The following PDE3B variants were observed in gnomAD, a reference collection of about 807,000 sequenced individuals.
The protein encoded by PDE3B is phosphodiesterase 3B.
In PDE3B, 66 loss-of-function variants were observed where a neutral mutation model predicts 116.8. The ratio of observed to expected loss-of-function variants is 0.56; its 90% confidence interval spans 0.46 to 0.69. PDE3B has a LOEUF of 0.69. Ranked by LOEUF, PDE3B falls within the 30% of genes least tolerant of loss-of-function variation. PDE3B has a pLI of 0.00. For missense variants in PDE3B, 1,384 were observed against 1,368.1 expected (o/e 1.01, Z -0.18); for synonymous variants, 595 against 533.6 (o/e 1.12, Z -1.59).
chr11:14,808,059 CAAA>C (rs765095329), intron 5 of PDE3B, among the ~76,000 whole-genome samples: 13 of 67,370 alleles, frequency 1.9e-4, no homozygotes, highest in African/African-American at 4.6e-4. Context: ...GCCTTCGTCT[CAAA>C]AAAAAAAAAA....
chr11:14,665,653 G>T (rs371770880), intron 1 of PDE3B, among the ~76,000 whole-genome samples: 1 of 152,144 alleles, frequency 6.6e-6, no homozygotes, highest in Admixed American at 6.5e-5. Flanking sequence ...AATCATGAGT[G>T]AACTCCCATT....
intron 12 of PDE3B, among the ~76,000 whole-genome samples, chr11:14,846,321 A>C (rs1415439369): frequency 6.6e-5 from 10 of 152,314 alleles, no homozygotes; most frequent in South Asian, 2.1e-4. Context: ...GCCTGCCCTA[A>C]AAGAGCTCCT....
At chr11:14,796,787 G>A (rs1858570502) in intron 4 of PDE3B, among the ~76,000 whole-genome samples, 1 of 152,194 alleles carries the variant, frequency 6.6e-6, no homozygotes, top group African/African-American at 2.4e-5. Flanking sequence ...TGGATAGAGT[G>A]TAAAAATTTT....
intron 12 of PDE3B, among the ~76,000 whole-genome samples, chr11:14,847,515 A>T (rs1274368193): frequency 1.3e-5 from 2 of 151,748 alleles, no homozygotes; most frequent in Admixed American, 6.6e-5. Context: ...GGAAATAGAG[A>T]CACAAAAAAC....
chr11:14,779,641 C>A (rs970133370), intron 2 of PDE3B, among the ~76,000 whole-genome samples: 3 of 152,138 alleles, frequency 2.0e-5, no homozygotes, highest in Non-Finnish European at 2.9e-5. Context: ...CACCACCAGG[C>A]CTGCCTTACA....
At chr11:14,845,431 C>A (rs1847576969) in intron 12 of PDE3B, among the ~76,000 whole-genome samples, 1 of 152,148 alleles carries the variant, frequency 6.6e-6, no homozygotes, top group Non-Finnish European at 1.5e-5. Context: ...AAGCAGAACG[C>A]CTCTCCTCCT....
intron 1 of PDE3B, among the ~76,000 whole-genome samples, chr11:14,696,661 T>C (rs1411279193): frequency 1.3e-5 from 2 of 152,162 alleles, no homozygotes; most frequent in Admixed American, 6.6e-5. Flanking sequence ...TTATTTATTA[T>C]TGATTTATAG....
At chr11:14,657,329 A>T (rs769012688) in intron 1 of PDE3B, among the ~76,000 whole-genome samples, 2 of 152,214 alleles carry the variant, frequency 1.3e-5, no homozygotes, top group African/African-American at 2.4e-5. Flanking sequence ...GAGAAACTGT[A>T]TGTAAAAAAG....
chr11:14,775,550 T>C (rs1328710067), intron 2 of PDE3B: 1 of 152,218 alleles, frequency 6.6e-6, no homozygotes, highest in Admixed American at 6.5e-5. Context: ...TTTTTTTCTT[T>C]TTTTGAGACG....
At chr11:14,791,557 C>T (rs1014664910) in intron 4 of PDE3B, among the ~76,000 whole-genome samples, 1 of 152,100 alleles carries the variant, frequency 6.6e-6, no homozygotes, top group Non-Finnish European at 1.5e-5. Flanking sequence ...AGATATCTGT[C>T]TGCATTATCT....
chr11:14,782,978 A>G (rs1300215340), intron 2 of PDE3B, among the ~76,000 whole-genome samples: 1 of 152,254 alleles, frequency 6.6e-6, no homozygotes, highest in Non-Finnish European at 1.5e-5. Flanking sequence ...TTCTCGAAAG[A>G]AGACATTTAT....
intron 1 of PDE3B, among the ~76,000 whole-genome samples, chr11:14,721,378 G>T (rs1856071913): frequency 6.6e-6 from 1 of 151,366 alleles, no homozygotes; most frequent in South Asian, 2.1e-4. Context: ...ATTCCTCAGG[G>T]ATCTAGAACT....
intron 1 of PDE3B, among the ~76,000 whole-genome samples, chr11:14,725,075 C>G (rs926296364): frequency 6.6e-6 from 1 of 152,118 alleles, no homozygotes; most frequent in African/African-American, 2.4e-5. Context: ...GAAGGGAAGA[C>G]TAGAAGAGGA....
At chr11:14,744,039 T>C (rs1856841502) in intron 1 of PDE3B, among the ~76,000 whole-genome samples, 1 of 152,144 alleles carries the variant, frequency 6.6e-6, no homozygotes, top group African/African-American at 2.4e-5. Flanking sequence ...AAGAGATTAG[T>C]TTTATATTGT....
At chr11:14,891,346 C>T in the PDE3B span, 1 of 985,466 alleles carries the variant, frequency 1.0e-6, no homozygotes, top group Non-Finnish European at 1.2e-6. Flanking sequence ...CGTTCCCAGC[C>T]AGTCAGAACG....
chr11:14,801,728 ACCCGTAGCCAC>A (rs763911907), intron 4 of PDE3B, among the ~76,000 whole-genome samples: 31 of 152,124 alleles, frequency 2.0e-4, no homozygotes, highest in Non-Finnish European at 3.8e-4. Flanking sequence ...CTGAAGCTGC[ACCCGTAGCCAC>A]CCCTTCCCCC....
chr11:14,812,399 C>T (rs1163889826), intron 5 of PDE3B, among the ~76,000 whole-genome samples: 5 of 151,846 alleles, frequency 3.3e-5, no homozygotes, highest in African/African-American at 1.2e-4. Flanking sequence ...GAAGAAAAAG[C>T]AATGAAAATC....
At chr11:14,860,666 C>T (rs868948395) in intron 13 of PDE3B, among the ~76,000 whole-genome samples, 1 of 152,058 alleles carries the variant, frequency 6.6e-6, no homozygotes, top group South Asian at 2.1e-4. Flanking sequence ...AGTTTTTTCA[C>T]TGTTACACAC....
chr11:14,724,209 AG>A (rs1856211161), intron 1 of PDE3B, among the ~76,000 whole-genome samples: 1 of 152,016 alleles, frequency 6.6e-6, no homozygotes. Flanking sequence ...ATTGATTACC[AG>A]GGGGTTGGGG....
Sources: gnomAD v4.1 joint callset for allele counts (sites outside exome capture counted in the v4.1 genomes callset) on GRCh38, gnomAD v4.1.1 for gene constraint, MANE v1.5 for transcripts, NCBI Gene and HGNC (gene_info 2026-07-23, HGNC 2026-07-21) for gene names.